The following ANO7 variants were observed in gnomAD, a reference collection of about 807,000 sequenced individuals.
ANO7 encodes the protein anoctamin-7.
ANO7 carries 114 observed loss-of-function variants against 115.8 expected under a neutral mutation model. The ratio of observed to expected loss-of-function variants is 0.98; its 90% CI spans 0.85 to 1.15. The LOEUF is 1.15. ANO7 is among the 50% of genes most tolerant of loss of function. ANO7 has a pLI of 0.00. For synonymous variants in ANO7, 550 were observed against 498.2 expected (o/e 1.10, Z -1.38); for missense variants, 1,302 against 1,201.2 (o/e 1.08, Z -1.24).
At chr2:241,234,090 G>T in the ANO7 span, 1 of 1,075,456 alleles carries the variant, frequency 9.3e-7, no homozygotes, top group Non-Finnish European at 1.4e-6. Context: ...GGTCCGGAAT[G>T]GTCCGCCATC....
chr2:241,222,410 G>C (rs2069045391), intron 21 of ANO7, among the ~76,000 whole-genome samples: 1 of 151,774 alleles, frequency 6.6e-6, no homozygotes. Context: ...ACTCCCACTG[G>C]GCTGTGGCCT....
chr2:241,214,420 G>T (rs930079087), intron 17 of ANO7, among the ~76,000 whole-genome samples: 2 of 152,224 alleles, frequency 1.3e-5, no homozygotes, highest in Non-Finnish European at 2.9e-5. Context: ...TGCAAGGCAC[G>T]TGTTCCCAGG....
chr2:241,229,482 G>A (rs1213959694), downstream of ANO7: 5 of 750,500 alleles, frequency 6.7e-6, no homozygotes, highest in African/African-American at 1.8e-5. Context: ...GGGACCTCGG[G>A]AAGGGGGAAG....
At chr2:241,227,621 C>T (rs1270337252), downstream of ANO7, 3 of 152,618 alleles carry the variant, frequency 2.0e-5, no homozygotes, top group Non-Finnish European at 2.9e-5. Context: ...GCGTCTAAGA[C>T]ATCAAGCGAC....
the ANO7 span, chr2:241,238,816 A>G: frequency 6.8e-7 from 1 of 1,467,442 alleles, no homozygotes; most frequent in East Asian, 2.5e-5. The surrounding 1 kb of genome is among the most constrained non-coding windows in gnomAD (Gnocchi z 4.9). Context: ...AGAAAAAAGA[A>G]AAGAGCAAAG....
downstream of ANO7, among the ~76,000 whole-genome samples, chr2:241,226,246 C>A (rs2069167322): frequency 1.3e-5 from 2 of 152,092 alleles, no homozygotes; most frequent in South Asian, 2.1e-4. Context: ...GGGGACTTTG[C>A]ATTTGGCGTC....
chr2:241,208,557 A>G (rs1329964981), intron 11 of ANO7, among the ~76,000 whole-genome samples: 1 of 152,192 alleles, frequency 6.6e-6, no homozygotes, highest in African/African-American at 2.4e-5. Context: ...TTATTCAAAT[A>G]AGATTACATT....
intron 4 of ANO7, chr2:241,199,102 G>A (rs879178396): frequency 1.9e-6 from 1 of 539,048 alleles, no homozygotes; most frequent in South Asian, 2.0e-5. Context: ...TCTGTTGCTG[G>A]GGCCGACTCC....
In ANO7 at chr2:241,212,159, G is replaced by A. The variant is rs767413521; in HGVS notation, c.1627G>A (p.Val543Ile). Residue 543 changes from valine to isoleucine, a missense_variant, in exon 16 of 25, where the codon GTC (valine) becomes ATC (isoleucine). Transcript: ENST00000674324. ...FTLKVFIFQF[V>I]NFYSSPVYIA... Reference sequence around the variant, plus strand: ...CCTCAAGGTGTTCATCTTCCAGTTCGTCAACTTCTACTCCTCACCCGTCTA... The same window carrying A: ...CCTCAAGGTGTTCATCTTCCAGTTCATCAACTTCTACTCCTCACCCGTCTA... 7.6e-5 allele frequency: 122 copies of A among 1,614,004 alleles called. No individual in the cohort carries two copies. The highest frequency in any genetic ancestry group is 1.6e-4 in the Middle Eastern group (1 of 6,084).
chr2:241,188,740 G>C lies in ANO7; in HGVS notation c.-34G>C. On this transcript the variant is annotated 5_prime_UTR_variant, in exon 1 of 25. Coordinates refer to ENST00000674324, the MANE Select transcript of ANO7 (RefSeq NM_001370694.2). The surrounding 1 kb of genome is among the most constrained non-coding windows in gnomAD (Gnocchi z 4.3). Reference sequence around the variant, plus strand: ...CTGAGAGGTGGGCCATGACCTCCGAGACCTCTTCCGGAAGCCACTGTGCCA... The same window carrying C: ...CTGAGAGGTGGGCCATGACCTCCGACACCTCTTCCGGAAGCCACTGTGCCA... The C allele has an allele frequency of 6.2e-7, 1 of 1,613,568 alleles. No individual in the cohort carries two copies. Among genetic ancestry groups the C allele is most frequent in the Non-Finnish European group, 8.5e-7 (1 of 1,179,858 alleles).
intron 21 of ANO7, among the ~76,000 whole-genome samples, chr2:241,219,046 C>G (rs748039710): frequency 1.3e-5 from 2 of 152,124 alleles, no homozygotes; most frequent in East Asian, 1.9e-4. Context: ...TTTCTCCTGT[C>G]TTATAAACTA....
Position 241,217,757 on chromosome 2 carries a change from A to G in ANO7, c.2044A>G (p.Asn682Asp). Residue 682 changes from asparagine to aspartate, a missense_variant, in exon 20 of 25, where the codon AAC becomes GAC. Transcript: ENST00000674324. ...CGCGCCGCTCTTCGCCCTGCTCAAC[A>G]ACTGGGTGGAGATCCGCTTGGACGC... is the stretch of plus-strand genomic sequence containing the variant. ...PLAPLFALLN[N>D]WVEIRLDARK... is the part of the protein sequence containing the mutation. 5 of 1,608,308 alleles carry G rather than the reference A, an allele frequency of 3.1e-6. No individual in the cohort carries two copies. Among genetic ancestry groups the G allele is most frequent in the Non-Finnish European group, 4.2e-6 (5 of 1,178,024 alleles).
In ANO7 at chr2:241,203,338, C is replaced by T. The variant is rs761129464; in HGVS notation, c.729C>T (p.Pro243=). ...CACAGGCCGCTCGCCCCCAGGGCCCCTTCAAGACGCCCCCAGAGGGCCCGC... is the reference window on the plus strand; with the variant it reads ...CACAGGCCGCTCGCCCCCAGGGCCCTTTCAAGACGCCCCCAGAGGGCCCGC... ...LSAAFPLHDG[P]FKTPPEGPQA... The change falls in exon 9 of 25, where the codon CCC becomes CCT. Residue 243 remains proline (P), a synonymous_variant. Transcript: ENST00000674324. This position sits in a 1 kb window ranked among gnomAD's most constrained non-coding sequence, Gnocchi z 4.8. 1 of 1,544,154 alleles carries T rather than the reference C, an allele frequency of 6.5e-7. No homozygotes were observed. The highest frequency in any genetic ancestry group is 1.2e-5 in the South Asian group (1 of 81,970).
At chr2:241,237,878 T>C in the ANO7 span, among the ~76,000 whole-genome samples, 3 of 152,220 alleles carry the variant, frequency 2.0e-5, no homozygotes, top group Admixed American at 2.0e-4. Context: ...ATTAGTTTCC[T>C]ACTCAAAACA....
At chr2:241,220,227 T>C (rs2068975577) in intron 21 of ANO7, among the ~76,000 whole-genome samples, 1 of 152,236 alleles carries the variant, frequency 6.6e-6, no homozygotes, top group Non-Finnish European at 1.5e-5. Flanking sequence ...CAGAAATGCA[T>C]ACACATATGT....
intron 21 of ANO7, among the ~76,000 whole-genome samples, chr2:241,220,226 A>T (rs1275463942): frequency 6.6e-6 from 1 of 152,230 alleles, no homozygotes; most frequent in African/African-American, 2.4e-5. Context: ...GCAGAAATGC[A>T]TACACATATG....
In ANO7 at chr2:241,217,829, C is replaced by G; in HGVS notation, c.2116C>G (p.Gln706Glu). 2 of 1,609,258 alleles carry G rather than the reference C, an allele frequency of 1.2e-6. No individual in the cohort carries two copies. The highest frequency in any genetic ancestry group is 2.2e-5 in the East Asian group (1 of 44,768). Residue 706 changes from glutamine to glutamate, a missense_variant, in exon 20 of 25, where the codon CAG becomes GAG. By Grantham distance (29) the Gln-to-Glu change is conservative. Coordinates refer to ENST00000674324, the MANE Select transcript of ANO7 (RefSeq NM_001370694.2). ...CCGGCGCCCGGTGGCCGAGCGCGCC[C>G]AGGACATCGGCATCTGGTTCCACAT... ...EYRRPVAERA[Q>E]DIGIWFHILA...
intron 4 of ANO7, among the ~76,000 whole-genome samples, chr2:241,196,875 G>A (rs1344085426): frequency 7.5e-6 from 1 of 133,304 alleles, no homozygotes; most frequent in Non-Finnish European, 1.7e-5. Context: ...GTGTGTGTGT[G>A]TGTGTGTGTC....
At chr2:241,230,656 C>G, downstream of ANO7, 1 of 1,002,252 alleles carries the variant, frequency 1.0e-6, no homozygotes, top group Non-Finnish European at 1.5e-6. This position sits in a 1 kb window ranked among gnomAD's most constrained non-coding sequence, Gnocchi z 5.0. Flanking sequence ...GGGTTGTGGC[C>G]TCATCATCTT....
Sources: allele counts gnomAD v4.1 joint callset (sites outside exome capture counted in the v4.1 genomes callset), GRCh38; gene constraint gnomAD v4.1.1; non-coding constraint Gnocchi (gnomAD v3.1); transcripts MANE v1.5; gene names NCBI Gene and HGNC (gene_info 2026-07-23, HGNC 2026-07-21).